SUPV3L1: variants seen among roughly 807,000 people sequenced by gnomAD.
SUPV3L1 encodes ATP-dependent RNA helicase SUPV3L1, mitochondrial.
A neutral mutation model predicts 70.0 loss-of-function variants in SUPV3L1; 35 were observed. The observed-to-expected ratio is 0.50, with a 90% CI of 0.38 to 0.66. The LOEUF (loss-of-function observed/expected upper bound fraction) is 0.66, where lower values mean the gene tolerates loss of function less well. Among genes scored for constraint, SUPV3L1 ranks in the 30% least tolerant of loss-of-function variants. The pLI is 0.00. For synonymous variants in SUPV3L1, 364 were observed against 341.9 expected, an observed-to-expected ratio of 1.06 and a Z score of -0.71; for missense variants, 777 against 961.5, an observed-to-expected ratio of 0.81 and a Z score of 2.54.
Position 69,202,453 on chromosome 10 carries a change from T to A in SUPV3L1, c.1533T>A (p.His511Gln). Residue 511 changes from histidine (H) to glutamine (Q), a missense_variant, in exon 12 of 15, where the codon CAT becomes CAA. His to Gln is a conservative substitution (Grantham distance 24, BLOSUM62 0). Transcript: ENST00000359655. ...PVDPIRAAGL[H>Q]PTAEQIEMFA... The stretch of plus-strand genomic sequence containing the variant: ...TTTACTAAAAGGCAGCTGGTCTTCA[T>A]CCAACTGCTGAGCAGATTGAAATGT... 1 of 1,611,678 alleles carries A rather than the reference T, an allele frequency of 6.2e-7. No individual in the cohort carries two copies. The highest frequency in any genetic ancestry group is 8.5e-7 in the Non-Finnish European group (1 of 1,178,420).
chr10:69,189,564 T>G, intron 5 of SUPV3L1, 129 bp downstream of exon 5: 1 of 921,334 alleles, frequency 1.1e-6, no homozygotes, highest in Non-Finnish European at 1.5e-6. Context: ...TAAGAGGCTG[T>G]CAATTGTAAG....
At chr10:69,188,249 C>T (rs1450420514) in intron 4 of SUPV3L1, among the ~76,000 whole-genome samples, 1 of 152,196 alleles carries the variant, frequency 6.6e-6, no homozygotes, top group East Asian at 1.9e-4. Flanking sequence ...GGCTCTCCTT[C>T]TATGCACCCT....
chr10:69,182,622 A>G (rs1481276901), intron 1 of SUPV3L1: 1 of 985,334 alleles, frequency 1.0e-6, no homozygotes, highest in East Asian at 1.1e-4. Flanking sequence ...CTGGTGGAGA[A>G]TCCTTAGATA....
chr10:69,188,029 C>G (rs1258774738), intron 4 of SUPV3L1, among the ~76,000 whole-genome samples: 1 of 152,126 alleles, frequency 6.6e-6, no homozygotes, highest in Non-Finnish European at 1.5e-5. Context: ...TATGGCCTTC[C>G]TGGTGTTTTA....
Position 69,203,061 on chromosome 10 carries a change from A to T in SUPV3L1, c.1776+18A>T, listed in dbSNP as rs766927947. On this transcript the variant is annotated intron_variant, in intron 13 of 14. Transcript: ENST00000359655. ...TGTTACAGGTAAGCCTTTATCTTTA[A>T]GCTATTTTGAGTTCCTTCTGGTTGA... 5.0e-6 allele frequency: 8 copies of T among 1,586,704 alleles called. No homozygotes were observed. Among genetic ancestry groups the T allele is most frequent in the Non-Finnish European group, 6.9e-6 (8 of 1,166,954 alleles).
intron 5 of SUPV3L1, among the ~76,000 whole-genome samples, chr10:69,190,242 G>T (rs1225196268): frequency 6.6e-6 from 1 of 152,156 alleles, no homozygotes; most frequent in Non-Finnish European, 1.5e-5. Flanking sequence ...ACCTTTTATA[G>T]ATTAGACCTC....
At chr10:69,208,040 C>T in intron 14 of SUPV3L1, 99 bp downstream of exon 14, 1 of 1,402,216 alleles carries the variant, frequency 7.1e-7, no homozygotes, top group Non-Finnish European at 9.8e-7. Flanking sequence ...GACATATTTG[C>T]AAGATGCTCT....
chr10:69,198,405 G>C lies in SUPV3L1; in HGVS notation c.1057G>C (p.Val353Leu). ...RDYKRLTPIS[V>L]LDHALESLDN... ...CTATAAGAGGCTTACCCCCATTTCT[G>C]TGCTGGACCATGCACTAGAATCTTT... Residue 353 changes from valine (V) to leucine (L), a missense_variant, in exon 9 of 15, where the codon GTG (valine) becomes CTG (leucine). Physicochemically the swap from Val to Leu is conservative, Grantham distance 32. This residue lies in a region of SUPV3L1 where 619 missense variants were observed against 823.3 expected (regional missense o/e 0.75). Transcript: ENST00000359655. The C allele has an allele frequency of 6.2e-7, 1 of 1,613,830 alleles. No homozygotes were observed. The highest frequency in any genetic ancestry group is 8.5e-7 in the Non-Finnish European group (1 of 1,179,948).
In SUPV3L1 at chr10:69,202,394, A is replaced by G. The variant is rs7901874; in HGVS notation, c.1519-45A>G. ...AACTTAAGAAAATTTGTCCTTTTTG[A>G]AAAAAAAAAAATCAGCTTATGATTG... On this transcript the variant is annotated intron_variant, in intron 11 of 14. Transcript: ENST00000359655. 60 of 843,902 alleles carry G rather than the reference A, an allele frequency of 7.1e-5. 1 individual carries two copies. The South Asian group carries it at 1.2e-3, about 17-fold the overall frequency. 52.3% of individuals were successfully genotyped at this position (843,902 alleles called of 1,614,324 possible). A position where few individuals can be genotyped will look rare whatever the true frequency, so the allele number is the denominator to read the frequency against.
At chr10:69,196,951 A>G in intron 7 of SUPV3L1, 41 bp from the exon 8 acceptor site, 1 of 1,541,604 alleles carries the variant, frequency 6.5e-7, no homozygotes, top group South Asian at 1.1e-5. Context: ...ATATTTAATT[A>G]TAAATCTTTA....
chr10:69,204,514 G>A (rs925433253), intron 13 of SUPV3L1, among the ~76,000 whole-genome samples: 10 of 151,966 alleles, frequency 6.6e-5, no homozygotes, highest in Non-Finnish European at 1.0e-4. Flanking sequence ...CTAGGAGTTC[G>A]AGAACATCTC....
chr10:69,180,252 G>C lies in SUPV3L1; in HGVS notation c.-40G>C, dbSNP rs1159978545. ...GGTGCGCGTCACTGTCCGCCGCCGT[G>C]TCCGCGGCTGCGCCAGACAGTGTAG... On this transcript the variant is annotated 5_prime_UTR_variant, in exon 1 of 15. Transcript: ENST00000359655. 6.3e-7 allele frequency: 1 copy of C among 1,587,750 alleles called. No homozygotes were observed. Among genetic ancestry groups the C allele is most frequent in the Admixed American group, 1.7e-5 (1 of 57,350 alleles).
chr10:69,195,375 T>C (rs1427518703), intron 7 of SUPV3L1, 110 bp downstream of exon 7: 17 of 639,846 alleles, frequency 2.7e-5, no homozygotes, highest in Non-Finnish European at 3.6e-5. Context: ...ACCTTTCTTT[T>C]TGACACAAAA....
intron 3 of SUPV3L1, among the ~76,000 whole-genome samples, chr10:69,187,191 C>T (rs1443182541): frequency 6.6e-6 from 1 of 151,960 alleles, no homozygotes; most frequent in African/African-American, 2.4e-5. Flanking sequence ...CTAATCTTTG[C>T]CTGTTTGTAC....
intron 1 of SUPV3L1, among the ~76,000 whole-genome samples, chr10:69,185,725 C>T (rs1311185258): frequency 1.3e-5 from 2 of 152,092 alleles, no homozygotes; most frequent in Admixed American, 6.6e-5. Context: ...TGGTCTCTAT[C>T]TCCTGACCTC....
chr10:69,189,940 C>G (rs1013603859), intron 5 of SUPV3L1, among the ~76,000 whole-genome samples: 20 of 152,112 alleles, frequency 1.3e-4, no homozygotes, highest in African/African-American at 4.8e-4. Context: ...GCCACCGCAC[C>G]CAGCTCTATC....
At chr10:69,182,368 T>C (rs1034303543) in intron 1 of SUPV3L1, among the ~76,000 whole-genome samples, 1 of 152,176 alleles carries the variant, frequency 6.6e-6, no homozygotes, top group Non-Finnish European at 1.5e-5. Flanking sequence ...AGATGAGAAC[T>C]TTTTCATCTT....
chr10:69,189,693 C>G (rs1842338323), intron 5 of SUPV3L1, among the ~76,000 whole-genome samples: 1 of 142,258 alleles, frequency 7.0e-6, no homozygotes, highest in Admixed American at 7.8e-5. Flanking sequence ...GTCACCCAGG[C>G]TGGAGTGCAG....
intron 7 of SUPV3L1, among the ~76,000 whole-genome samples, chr10:69,196,450 G>A (rs1038410720): frequency 1.3e-5 from 2 of 151,846 alleles, no homozygotes; most frequent in Admixed American, 6.6e-5. Context: ...ACAGTGAACC[G>A]AGGTCATGCC....
Sources: gnomAD v4.1 joint callset for allele counts (sites outside exome capture counted in the v4.1 genomes callset) on GRCh38, gnomAD v4.1.1 for gene constraint, gnomAD v4.1.1 regional missense constraint, MANE v1.5 for transcripts, NCBI Gene and HGNC (gene_info 2026-07-23, HGNC 2026-07-21) for gene names.